The following TMEFF1 variants were observed in gnomAD, a reference collection of about 807,000 sequenced individuals.
TMEFF1 encodes the protein tomoregulin-1.
TMEFF1 carries 20 observed loss-of-function variants against 47.5 expected under a neutral mutation model. The observed-to-expected ratio is 0.42, with a 90% CI of 0.30 to 0.61. The LOEUF is 0.61. Among genes scored for constraint, TMEFF1 ranks in the 20% least tolerant of loss-of-function variants. The pLI is 0.19. For synonymous variants in TMEFF1, 162 were observed against 166.3 expected (o/e 0.97, Z 0.20); for missense variants, 411 against 471.1 (o/e 0.87, Z 1.18).
intron 5 of TMEFF1, among the ~76,000 whole-genome samples, chr9:100,534,356 AAT>A (rs1031095738): frequency 4.4e-4 from 67 of 152,188 alleles, no homozygotes; most frequent in African/African-American, 1.6e-3. Flanking sequence ...GATAATTTAG[AAT>A]TGTCAGGGTT....
At chr9:100,573,821 G>A (rs560547605) in intron 9 of TMEFF1, among the ~76,000 whole-genome samples, 6 of 152,362 alleles carry the variant, frequency 3.9e-5, no homozygotes, top group East Asian at 1.9e-4. Context: ...AAGTCAGTGC[G>A]CTTTATTTCA....
chr9:100,482,103 C>T (rs1186751832), intron 1 of TMEFF1, among the ~76,000 whole-genome samples: 1 of 151,416 alleles, frequency 6.6e-6, no homozygotes, highest in African/African-American at 2.4e-5. Flanking sequence ...AAAAAAGTTA[C>T]ATTGGTTGTT....
intron 5 of TMEFF1, among the ~76,000 whole-genome samples, chr9:100,524,638 TC>T (rs1174187438): frequency 1.3e-5 from 2 of 152,176 alleles, no homozygotes; most frequent in East Asian, 3.9e-4. Context: ...ACTTATAATC[TC>T]CCCATAGCTC....
At chr9:100,552,632 A>C (rs571530165) in intron 7 of TMEFF1, among the ~76,000 whole-genome samples, 3 of 152,312 alleles carry the variant, frequency 2.0e-5, no homozygotes, top group African/African-American at 7.2e-5. Flanking sequence ...TATAATAGCT[A>C]CTGGCCACAT....
intron 1 of TMEFF1, among the ~76,000 whole-genome samples, chr9:100,495,579 T>A (rs1837636532): frequency 1.3e-5 from 2 of 152,206 alleles, no homozygotes; most frequent in Admixed American, 6.5e-5. Flanking sequence ...GTGTCCAAAA[T>A]TCTTAGCATA....
intron 5 of TMEFF1, among the ~76,000 whole-genome samples, chr9:100,539,729 C>G (rs981876903): frequency 1.3e-5 from 2 of 152,158 alleles, no homozygotes; most frequent in Non-Finnish European, 2.9e-5. Context: ...GGAAGGGTAC[C>G]TGAGCGGGTT....
At chr9:100,523,119 A>G (rs1232582236) in intron 5 of TMEFF1, among the ~76,000 whole-genome samples, 1 of 151,960 alleles carries the variant, frequency 6.6e-6, no homozygotes, top group African/African-American at 2.4e-5. Flanking sequence ...TCTCCCCATA[A>G]TCTCTTGCAA....
intron 1 of TMEFF1, among the ~76,000 whole-genome samples, chr9:100,493,902 G>A (rs1837603580): frequency 6.6e-6 from 1 of 152,180 alleles, no homozygotes; most frequent in Non-Finnish European, 1.5e-5. Context: ...TTAGAAATCA[G>A]CTGGGTGTGG....
In TMEFF1 at chr9:100,549,946, A is replaced by T. The variant is rs568135292; in HGVS notation, c.710-149A>T. 60 of 944,676 alleles carry T rather than the reference A, an allele frequency of 6.4e-5. 1 individual carries two copies. The East Asian group carries it at 1.3e-3, about 21-fold the overall frequency. The allele number at this position is 944,676 out of a possible 1,614,324, so 58.5% of individuals were successfully genotyped here. The stretch of plus-strand genomic sequence containing the variant: ...CCTAGAGGCCTAAGACAGAAATGAC[A>T]TAATTGATTTAGAGAATGGTAGACA... On this transcript the variant is annotated intron_variant, in intron 6 of 9. Coordinates refer to ENST00000374879, the MANE Select transcript of TMEFF1 (RefSeq NM_003692.5).
intron 1 of TMEFF1, among the ~76,000 whole-genome samples, chr9:100,480,250 A>C (rs1277240809): frequency 6.6e-6 from 1 of 152,158 alleles, no homozygotes; most frequent in African/African-American, 2.4e-5. Context: ...AAATCATACT[A>C]ATCAGTTCCC....
chr9:100,511,028 C>A (rs938668479), intron 3 of TMEFF1, among the ~76,000 whole-genome samples: 1 of 152,088 alleles, frequency 6.6e-6, no homozygotes, highest in Non-Finnish European at 1.5e-5. Context: ...GGTTACCTTC[C>A]GGAAGCAGAG....
rs190460151 is a variant in TMEFF1, at chr9:100,476,917, C to T, written c.196+3177C>T. On this transcript the variant is annotated intron_variant, in intron 1 of 9. Transcript: ENST00000374879. ...TTCATCGTGTTAGCCAGGATGGTCT[C>T]GATCTCCTGACCTCGTGATCTGCCA... is the stretch of plus-strand genomic sequence containing the variant. Among the ~76,000 whole-genome samples, 60 of 151,000 alleles carry T rather than the reference C, an allele frequency of 4.0e-4. 1 individual carries two copies. In the East Asian group the frequency reaches 0.011, roughly 27 times the overall value.
At chr9:100,561,649 A>G in intron 8 of TMEFF1, 129 bp downstream of exon 8, 1 of 1,333,296 alleles carries the variant, frequency 7.5e-7, no homozygotes, top group Non-Finnish European at 9.6e-7. Context: ...ACAAGTAAAA[A>G]ACAAATCAGC....
At chr9:100,532,762 C>G (rs1564020403) in intron 5 of TMEFF1, among the ~76,000 whole-genome samples, 1 of 152,070 alleles carries the variant, frequency 6.6e-6, no homozygotes, top group Non-Finnish European at 1.5e-5. Context: ...GACTATAAAT[C>G]ATGCTGCTAT....
At chr9:100,549,641 T>C (rs1359784207) in intron 6 of TMEFF1, among the ~76,000 whole-genome samples, 1 of 152,184 alleles carries the variant, frequency 6.6e-6, no homozygotes, top group Non-Finnish European at 1.5e-5. Context: ...CCAGTCCAGG[T>C]GCAGTTCTCA....
intron 5 of TMEFF1, among the ~76,000 whole-genome samples, chr9:100,527,937 AC>A: frequency 6.6e-6 from 1 of 152,008 alleles, no homozygotes; most frequent in South Asian, 2.1e-4. Flanking sequence ...CTGACACCTG[AC>A]CCCCGAGCAG....
intron 1 of TMEFF1, among the ~76,000 whole-genome samples, chr9:100,489,332 A>G (rs1290390508): frequency 4.6e-5 from 7 of 151,992 alleles, no homozygotes; most frequent in African/African-American, 1.7e-4. Flanking sequence ...GTCCCCCAGT[A>G]GCTGAGACTA....
chr9:100,488,036 G>A (rs1445933097), intron 1 of TMEFF1, among the ~76,000 whole-genome samples: 2 of 152,096 alleles, frequency 1.3e-5, no homozygotes, highest in Non-Finnish European at 2.9e-5. Flanking sequence ...TCTACTTAGT[G>A]TTGCAGACAC....
intron 5 of TMEFF1, among the ~76,000 whole-genome samples, chr9:100,532,161 C>T (rs1838395873): frequency 6.6e-6 from 1 of 151,888 alleles, no homozygotes; most frequent in Non-Finnish European, 1.5e-5. Flanking sequence ...TAGGCATTAC[C>T]ATTCAGGACA....
Sources: gnomAD v4.1 joint callset for allele counts (sites outside exome capture counted in the v4.1 genomes callset) on GRCh38, gnomAD v4.1.1 for gene constraint, MANE v1.5 for transcripts, NCBI Gene and HGNC (gene_info 2026-07-23, HGNC 2026-07-21) for gene names.